The following GLI3 variants were observed in gnomAD, a reference collection of about 807,000 sequenced individuals.
The protein encoded by GLI3 is transcription activator GLI3.
GLI3 carries 20 observed loss-of-function variants against 100.8 expected under a neutral mutation model. The ratio of observed to expected loss-of-function variants is 0.20; its 90% CI spans 0.14 to 0.29. GLI3 has a LOEUF of 0.29. Among genes scored for constraint, GLI3 ranks in the 10% least tolerant of loss-of-function variants. The probability of loss-of-function intolerance (pLI) is 1.00; values close to 1 mark genes in which losing one functional copy is unlikely to be tolerated. For missense variants in GLI3, 2,040 were observed against 2,128.5 expected (o/e 0.96, Z 0.82); for synonymous variants, 938 against 860.5 (o/e 1.09, Z -1.58).
In GLI3 at chr7:41,964,173, C is replaced by T; in HGVS notation, c.*157G>A. 3.2e-6 allele frequency: 2 copies of T among 633,990 alleles called. No homozygotes were observed. Among genetic ancestry groups the T allele is most frequent in the South Asian group, 1.9e-5 (1 of 51,652 alleles). 39.3% of individuals were successfully genotyped at this position (633,990 alleles called of 1,614,324 possible). A position where few individuals can be genotyped will look rare whatever the true frequency, so the allele number is the denominator to read the frequency against. ...GAATACTTTAGGGTTTTTCAGAGTC[C>T]TTTTCCATAAAAGGAATATAATTGA... On this transcript the variant is annotated 3_prime_UTR_variant, in exon 15 of 15. Transcript: ENST00000395925.
At chr7:42,119,345 T>C (rs1474252643) in intron 3 of GLI3, among the ~76,000 whole-genome samples, 1 of 152,206 alleles carries the variant, frequency 6.6e-6, no homozygotes, top group Non-Finnish European at 1.5e-5. Context: ...CCAGGGGCTA[T>C]AGTTTCTGTT....
intron 10 of GLI3, among the ~76,000 whole-genome samples, chr7:42,000,757 G>A (rs1788264508): frequency 6.6e-6 from 1 of 152,124 alleles, no homozygotes; most frequent in Non-Finnish European, 1.5e-5. Context: ...GAGGCAGCAA[G>A]GAGCTGATTG....
At chr7:42,213,133 C>T (rs1463194676) in intron 2 of GLI3, among the ~76,000 whole-genome samples, 1 of 152,172 alleles carries the variant, frequency 6.6e-6, no homozygotes, top group Non-Finnish European at 1.5e-5. Context: ...CCCATTTTCC[C>T]CATTATGATG....
intron 3 of GLI3, among the ~76,000 whole-genome samples, chr7:42,105,577 G>A (rs1271470844): frequency 6.6e-6 from 1 of 152,148 alleles, no homozygotes; most frequent in Non-Finnish European, 1.5e-5. Context: ...TTAAAAAGAA[G>A]ATAATATGTA....
At chr7:42,145,107 A>G (rs1366550822) in intron 3 of GLI3, among the ~76,000 whole-genome samples, 1 of 152,220 alleles carries the variant, frequency 6.6e-6, no homozygotes, top group Non-Finnish European at 1.5e-5. Flanking sequence ...ATCACCTTCA[A>G]TTCACATCAA....
At chr7:42,082,393 T>C (rs557758594) in intron 3 of GLI3, among the ~76,000 whole-genome samples, 6 of 152,248 alleles carry the variant, frequency 3.9e-5, no homozygotes, top group African/African-American at 1.4e-4. Flanking sequence ...TGCCTATGGA[T>C]GACACGGCAC....
chr7:42,117,756 C>T (rs1436083170), intron 3 of GLI3, among the ~76,000 whole-genome samples: 1 of 152,150 alleles, frequency 6.6e-6, no homozygotes, highest in Non-Finnish European at 1.5e-5. Context: ...CATACATGTT[C>T]ATTTACAGTA....
At position 41,961,367 on chromosome 7, in the gene GLI3, C is replaced by T. The variant is rs530503910; in HGVS notation, c.*2963G>A. 66 of 152,662 alleles carry T rather than the reference C, an allele frequency of 4.3e-4. No homozygotes were observed. Among genetic ancestry groups the T allele is most frequent in the African/African-American group, 1.4e-3 (58 of 41,540 alleles). The allele number at this position is 152,662 out of a possible 1,614,324, so 9.5% of individuals were successfully genotyped here. ...AAGACAGCCTCGACTCTGCTACCAC[C>T]GTGCGCTCTCTGGCTGGTGCACACA... is the stretch of plus-strand genomic sequence containing the variant. On this transcript the variant is annotated 3_prime_UTR_variant, in exon 15 of 15. Coordinates refer to ENST00000395925, the MANE Select transcript of GLI3 (RefSeq NM_000168.6).
intron 3 of GLI3, among the ~76,000 whole-genome samples, chr7:42,087,066 G>T (rs988552759): frequency 6.6e-6 from 1 of 152,116 alleles, no homozygotes; most frequent in African/African-American, 2.4e-5. Flanking sequence ...ACTTATCCGT[G>T]TATACCCAGC....
At chr7:42,219,235 A>C (rs1422229770) in intron 2 of GLI3, among the ~76,000 whole-genome samples, 3 of 152,228 alleles carry the variant, frequency 2.0e-5, no homozygotes, top group Non-Finnish European at 4.4e-5. Context: ...CCACAATTGC[A>C]TTTAAATAAT....
chr7:42,183,251 T>C (rs746244287), intron 2 of GLI3, among the ~76,000 whole-genome samples: 1 of 152,068 alleles, frequency 6.6e-6, no homozygotes, highest in Admixed American at 6.5e-5. Context: ...TCACTGTTAA[T>C]ATTGACGTTC....
At position 42,048,494 on chromosome 7, in the gene GLI3, C is replaced by G. The variant is rs766200485; in HGVS notation, c.676G>C (p.Asp226His). ...ISATRGLSPT[D>H]APHAGVSPAE... Reference sequence around the variant, plus strand: ...GCAGAATCCATCCTGGACTTACCATCTGTAGGGCTCAGCCCACGGGTTGCT... The same window carrying G: ...GCAGAATCCATCCTGGACTTACCATGTGTAGGGCTCAGCCCACGGGTTGCT... The change falls in exon 5 of 15, where the codon GAT (aspartate) becomes CAT (histidine). Residue 226 changes from aspartate to histidine, a missense_variant. Around this residue, in one of 5 missense-constraint regions of GLI3, gnomAD observed 603 missense variants for 690.9 expected, o/e 0.87. Transcript: ENST00000395925. 6.2e-7 allele frequency: 1 copy of G among 1,608,428 alleles called. No homozygotes were observed.
Position 41,964,704 on chromosome 7 carries a change from C to T in GLI3, c.4369G>A (p.Ala1457Thr), listed in dbSNP as rs1248816541. The change falls in exon 15 of 15, where the codon GCT becomes ACT. Residue 1457 changes from alanine (A) to threonine (T), a missense_variant. Coordinates refer to ENST00000395925, the MANE Select transcript of GLI3 (RefSeq NM_000168.6). ...TVGFSQQDTKAGSFSISDASC... is the reference protein window; with the variant it reads ...TVGFSQQDTKTGSFSISDASC... ...GCGTCTGAAATAGAGAATGAACCAGCTTTCGTGTCTTGCTGACTGAAGCCC... is the reference window on the plus strand; with the variant it reads ...GCGTCTGAAATAGAGAATGAACCAGTTTTCGTGTCTTGCTGACTGAAGCCC... 1.2e-6 allele frequency: 2 copies of T among 1,614,096 alleles called. No individual in the cohort carries two copies. Among genetic ancestry groups the T allele is most frequent in the Admixed American group, 3.3e-5 (2 of 60,006 alleles).
At chr7:42,259,845 T>C (rs906662272) in intron 1 of GLI3, among the ~76,000 whole-genome samples, 2 of 152,224 alleles carry the variant, frequency 1.3e-5, no homozygotes, top group African/African-American at 4.8e-5. Flanking sequence ...TGGATCCAGC[T>C]AACAAAATTT....
At chr7:42,081,924 C>G (rs995023344) in intron 3 of GLI3, among the ~76,000 whole-genome samples, 1 of 151,904 alleles carries the variant, frequency 6.6e-6, no homozygotes, top group African/African-American at 2.4e-5. Flanking sequence ...ATACTGAAGT[C>G]GTCTGTACCC....
At chr7:42,097,727 G>A (rs1443018455) in intron 3 of GLI3, among the ~76,000 whole-genome samples, 2 of 152,242 alleles carry the variant, frequency 1.3e-5, no homozygotes, top group African/African-American at 2.4e-5. Flanking sequence ...GTCCTGAAGT[G>A]AGTAAACGTG....
intron 2 of GLI3, among the ~76,000 whole-genome samples, chr7:42,201,286 G>C (rs368593521): frequency 6.6e-6 from 1 of 152,092 alleles, no homozygotes; most frequent in Non-Finnish European, 1.5e-5. Context: ...TTGACCATGG[G>C]TAACTAAAAC....
chr7:42,064,400 G>T (rs1784632728), intron 4 of GLI3, among the ~76,000 whole-genome samples: 1 of 152,134 alleles, frequency 6.6e-6, no homozygotes, highest in South Asian at 2.1e-4. Flanking sequence ...AGAGATGACG[G>T]AAAGTGCTCA....
At chr7:42,106,899 T>A (rs945988056) in intron 3 of GLI3, among the ~76,000 whole-genome samples, 3 of 152,066 alleles carry the variant, frequency 2.0e-5, no homozygotes, top group Non-Finnish European at 4.4e-5. Flanking sequence ...CCCACAGTAT[T>A]TTTTTGGAGG....
Sources: allele counts gnomAD v4.1 joint callset (sites outside exome capture counted in the v4.1 genomes callset), GRCh38; gene constraint gnomAD v4.1.1; regional missense constraint gnomAD v4.1.1; transcripts MANE v1.5; gene names NCBI Gene and HGNC (gene_info 2026-07-23, HGNC 2026-07-21).